Variants in SORCS1 observed in about 807,000 individuals in gnomAD.
SORCS1 encodes VPS10 domain-containing receptor SorCS1.
Under a neutral mutation model 146.1 loss-of-function variants are expected in SORCS1, and 60 were observed. The ratio of observed to expected loss-of-function variants is 0.41; its 90% CI spans 0.33 to 0.51. The LOEUF is 0.51. SORCS1 is among the 20% of genes least tolerant of loss of function. The pLI is 0.21. For missense variants in SORCS1, 1,352 were observed against 1,487.6 expected, an observed-to-expected ratio of 0.91 and a Z score of 1.50; for synonymous variants, 637 against 584.0, an observed-to-expected ratio of 1.09 and a Z score of -1.31.
Position 107,064,911 on chromosome 10 carries a change from G to T in SORCS1, c.558+99058C>A, listed in dbSNP as rs554411986. Among the ~76,000 whole-genome samples the T allele has an allele frequency of 1.5e-3, 221 of 152,250 alleles. 1 individual carries two copies. The highest frequency in any genetic ancestry group is 2.4e-3 in the Non-Finnish European group (163 of 68,020). ...AATAGAGGAAGAAAGTGAATTTCAG[G>T]GTTTGTGCCTAAGGACACCATCTAA... On this transcript the variant is annotated intron_variant, in intron 1 of 25. Coordinates refer to ENST00000263054, the MANE Select transcript of SORCS1 (RefSeq NM_052918.5).
At chr10:106,937,903 G>A (rs2138687778) in intron 2 of SORCS1, among the ~76,000 whole-genome samples, 1 of 150,574 alleles carries the variant, frequency 6.6e-6, no homozygotes, top group African/African-American at 2.4e-5. Flanking sequence ...GGCGGAGGTT[G>A]CAGTGAGCCA....
chr10:106,851,567 T>C (rs1055858210), intron 2 of SORCS1, among the ~76,000 whole-genome samples: 2 of 152,256 alleles, frequency 1.3e-5, no homozygotes, highest in Non-Finnish European at 2.9e-5. Context: ...TCTATGTATC[T>C]GTTCCTTCAC....
At chr10:106,938,228 G>A (rs912929721) in intron 2 of SORCS1, among the ~76,000 whole-genome samples, 1 of 152,154 alleles carries the variant, frequency 6.6e-6, no homozygotes, top group Non-Finnish European at 1.5e-5. Flanking sequence ...ATCTCAATCT[G>A]CTCTAGTGTA....
chr10:106,611,813 AGTTT>A, intron 22 of SORCS1, 94 bp downstream of exon 22: 2 of 787,546 alleles, frequency 2.5e-6, no homozygotes, highest in African/African-American at 3.5e-5. Flanking sequence ...CTGCTGGGTT[AGTTT>A]GTTTGTTTTT....
At chr10:107,034,796 G>C (rs1455503025) in intron 1 of SORCS1, among the ~76,000 whole-genome samples, 1 of 150,196 alleles carries the variant, frequency 6.7e-6, no homozygotes, top group Non-Finnish European at 1.5e-5. Flanking sequence ...GGATGAATTA[G>C]TTGGACATTG....
At chr10:107,091,533 A>T (rs1964178436) in intron 1 of SORCS1, among the ~76,000 whole-genome samples, 1 of 152,228 alleles carries the variant, frequency 6.6e-6, no homozygotes, top group Non-Finnish European at 1.5e-5. Context: ...ACTTGGGAAG[A>T]TGAATGGAGT....
chr10:106,957,793 G>A (rs901086179), intron 1 of SORCS1, among the ~76,000 whole-genome samples: 16 of 152,250 alleles, frequency 1.1e-4, no homozygotes, highest in African/African-American at 2.6e-4. Flanking sequence ...ATAGAAAGCA[G>A]CACTATTTCC....
Position 106,672,961 on chromosome 10 carries a change from G to A in SORCS1, c.1965C>T (p.Arg655=), listed in dbSNP as rs575379316. The A allele has an allele frequency of 8.7e-6, 14 of 1,613,988 alleles. No individual in the cohort carries two copies. Among genetic ancestry groups the A allele is most frequent in the Admixed American group, 5.0e-5 (3 of 60,018 alleles). ...CTACTTTGACCAGCTGCCATTCAGA[G>A]CGGTGGCTGAAGTGTCCAAACACTC... The part of the protein sequence containing the change: ...IMTVFGHFSH[R]SEWQLVKVDY... Residue 655 remains arginine, a synonymous_variant, in exon 15 of 26, where the codon CGC becomes CGT. Coordinates refer to ENST00000263054, the MANE Select transcript of SORCS1 (RefSeq NM_052918.5).
chr10:106,611,396 T>C (rs1307225615), intron 22 of SORCS1, among the ~76,000 whole-genome samples: 1 of 152,020 alleles, frequency 6.6e-6, no homozygotes, highest in African/African-American at 2.4e-5. Flanking sequence ...GTACAGAAAT[T>C]TCTTTAAAAA....
At chr10:106,614,410 T>C (rs777011206) in intron 21 of SORCS1, among the ~76,000 whole-genome samples, 27 of 152,204 alleles carry the variant, frequency 1.8e-4, no homozygotes, top group Non-Finnish European at 2.5e-4. Flanking sequence ...TCTGACTTTA[T>C]AAGGTATGTT....
chr10:106,621,894 C>T (rs1054243531), intron 19 of SORCS1, among the ~76,000 whole-genome samples: 2 of 152,136 alleles, frequency 1.3e-5, no homozygotes, highest in African/African-American at 4.8e-5. Context: ...CTGCCTGTAA[C>T]CTTTCACCAC....
chr10:106,600,452 A>C (rs1846173044), intron 23 of SORCS1: 1 of 982,870 alleles, frequency 1.0e-6, no homozygotes, highest in African/African-American at 1.7e-5. Context: ...GCATATAAGA[A>C]TAATCTCAAT....
At chr10:107,176,241 TTTCCTTCC>T in the SORCS1 span, among the ~76,000 whole-genome samples, 1 of 150,560 alleles carries the variant, frequency 6.6e-6, no homozygotes, top group Admixed American at 6.6e-5. Context: ...CCTTCCCTGT[TTTCCTTCC>T]TTCCTTCCTT....
chr10:106,908,566 A>T (rs1952011195), intron 2 of SORCS1, among the ~76,000 whole-genome samples: 1 of 152,140 alleles, frequency 6.6e-6, no homozygotes, highest in African/African-American at 2.4e-5. Flanking sequence ...GAAGAGAGCT[A>T]TGGCTGAAGC....
rs1946241639 is a variant in SORCS1, at chr10:106,790,121, C to A, written c.727-13429G>T. Among the ~76,000 whole-genome samples, 3 of 152,152 alleles carry A rather than the reference C, an allele frequency of 2.0e-5. No homozygotes were observed. In the South Asian group the frequency reaches 6.2e-4, roughly 31 times the overall value. On this transcript the variant is annotated intron_variant, in intron 3 of 25. Coordinates refer to ENST00000263054, the MANE Select transcript of SORCS1 (RefSeq NM_052918.5). ...TTAGATTTGGGTAGGGACACAAAGC[C>A]TAACCACATCATGGTGCTTCTCAAT...
At chr10:107,095,568 T>C (rs972565149) in intron 1 of SORCS1, among the ~76,000 whole-genome samples, 3 of 152,202 alleles carry the variant, frequency 2.0e-5, no homozygotes, top group African/African-American at 7.2e-5. Flanking sequence ...TCAAGTGGCA[T>C]ATAAGTATTC....
intron 3 of SORCS1, among the ~76,000 whole-genome samples, chr10:106,796,757 G>C (rs1946577983): frequency 6.6e-6 from 1 of 152,150 alleles, no homozygotes; most frequent in Non-Finnish European, 1.5e-5. Context: ...AATTTAATTT[G>C]TCTAATCCAT....
intron 4 of SORCS1, among the ~76,000 whole-genome samples, chr10:106,766,359 T>G (rs992072375): frequency 6.6e-6 from 1 of 152,194 alleles, no homozygotes; most frequent in Non-Finnish European, 1.5e-5. Context: ...TCACTGCTGT[T>G]CCTCCATCCT....
At position 106,667,864 on chromosome 10, in the gene SORCS1, A is replaced by T. The variant is rs1447543789; in HGVS notation, c.2190-62T>A. 4.4e-6 allele frequency: 5 copies of T among 1,130,626 alleles called. No homozygotes were observed. In the African/African-American group the frequency reaches 6.1e-5, roughly 14 times the overall value. 70.0% of individuals were successfully genotyped at this position (1,130,626 alleles called of 1,614,324 possible). On this transcript the variant is annotated intron_variant, in intron 16 of 25. Coordinates refer to ENST00000263054, the MANE Select transcript of SORCS1 (RefSeq NM_052918.5). The stretch of plus-strand genomic sequence containing the variant: ...TGGCAAAATTACTGAAAACAATTCT[A>T]CATCAGTCCACAGCCAAGTTCCACA...
Sources: gnomAD v4.1 joint callset for allele counts (sites outside exome capture counted in the v4.1 genomes callset) on GRCh38, gnomAD v4.1.1 for gene constraint, MANE v1.5 for transcripts, NCBI Gene and HGNC (gene_info 2026-07-23, HGNC 2026-07-21) for gene names.